The following SLC7A11 variants were observed in gnomAD, a reference collection of about 807,000 sequenced individuals.
SLC7A11 encodes the protein cystine/glutamate transporter.
SLC7A11 carries 35 observed loss-of-function variants against 54.5 expected under a neutral mutation model. The ratio of observed to expected loss-of-function variants is 0.64; its 90% CI spans 0.49 to 0.85. SLC7A11 has a LOEUF of 0.85. SLC7A11 is among the 40% of genes least tolerant of loss of function. The pLI is 0.00. For synonymous variants in SLC7A11, 230 were observed against 225.2 expected, an observed-to-expected ratio of 1.02 and a Z score of -0.19; for missense variants, 583 against 618.1, an observed-to-expected ratio of 0.94 and a Z score of 0.60.
At chr4:138,232,445 T>C in intron 2 of SLC7A11, 63 bp from the exon 3 acceptor site, 1 of 881,634 alleles carries the variant, frequency 1.1e-6, no homozygotes, top group East Asian at 2.5e-5. Context: ...TCATTAATTT[T>C]TTCTACCTTG....
At position 138,242,239 on chromosome 4, in the gene SLC7A11, G is replaced by A; in HGVS notation, c.-170C>T. The A allele has an allele frequency of 1.4e-6, 1 of 710,728 alleles. No homozygotes were observed. Among genetic ancestry groups the A allele is most frequent in the Non-Finnish European group, 2.3e-6 (1 of 435,854 alleles). 44.0% of individuals were successfully genotyped at this position (710,728 alleles called of 1,614,324 possible). On this transcript the variant is annotated 5_prime_UTR_variant, in exon 1 of 12. Coordinates refer to ENST00000280612, the MANE Select transcript of SLC7A11 (RefSeq NM_014331.4). ...AAAGGTGTGCTTTTTCCTTCACAGC[G>A]ATCTAATTACTACTCAGAAACACCT...
intron 3 of SLC7A11, among the ~76,000 whole-genome samples, chr4:138,231,518 G>A (rs555907740): frequency 1.2e-4 from 18 of 152,180 alleles, no homozygotes; most frequent in South Asian, 2.1e-4. Flanking sequence ...GGTTAAATGT[G>A]ATCATATTGA....
At chr4:138,222,370 C>A (rs1313986800) in intron 4 of SLC7A11, among the ~76,000 whole-genome samples, 2 of 152,236 alleles carry the variant, frequency 1.3e-5, no homozygotes, top group Non-Finnish European at 2.9e-5. Context: ...TTGGAACAGA[C>A]AATATCAATG....
rs148696512 is a variant in SLC7A11, at chr4:138,191,349, C to G, written c.792-6105G>C. ...AATTTCAATACCACTGATGTCTAATCTAAATCTCACCATTCTCCATTGTCC... is the reference window on the plus strand; with the variant it reads ...AATTTCAATACCACTGATGTCTAATGTAAATCTCACCATTCTCCATTGTCC... On this transcript the variant is annotated intron_variant, in intron 6 of 11. Transcript: ENST00000280612. 3.9e-4 allele frequency among the ~76,000 whole-genome samples: 60 copies of G among 152,226 alleles called. No homozygotes were observed. In the East Asian group the frequency reaches 8.5e-3, roughly 22 times the overall value.
chr4:138,192,911 A>G (rs1245771427), intron 6 of SLC7A11, among the ~76,000 whole-genome samples: 1 of 152,166 alleles, frequency 6.6e-6, no homozygotes, highest in African/African-American at 2.4e-5. Context: ...AAGGACTCAT[A>G]ATAAGACAAG....
intron 6 of SLC7A11, among the ~76,000 whole-genome samples, chr4:138,211,357 A>T (rs1737543813): frequency 6.6e-6 from 1 of 151,876 alleles, no homozygotes; most frequent in Non-Finnish European, 1.5e-5. Flanking sequence ...CAATATATCC[A>T]TATAACAAAT....
intron 7 of SLC7A11, among the ~76,000 whole-genome samples, chr4:138,183,703 T>A (rs564937965): frequency 6.6e-6 from 1 of 152,270 alleles, no homozygotes; most frequent in South Asian, 2.1e-4. Flanking sequence ...AAATTTTATA[T>A]TGAAATACAC....
At chr4:138,206,969 G>A (rs546865756) in intron 6 of SLC7A11, among the ~76,000 whole-genome samples, 98 of 120,186 alleles carry the variant, frequency 8.2e-4, no homozygotes, top group African/African-American at 2.7e-3. Flanking sequence ...GATTAATCAA[G>A]CTTTATGTAT....
At chr4:138,226,074 T>C (rs918372083) in intron 3 of SLC7A11, among the ~76,000 whole-genome samples, 12 of 152,166 alleles carry the variant, frequency 7.9e-5, no homozygotes, top group Non-Finnish European at 1.8e-4. Flanking sequence ...AAAAATACTT[T>C]GTAAAGTTTT....
intron 1 of SLC7A11, among the ~76,000 whole-genome samples, chr4:138,240,454 C>A (rs1044757187): frequency 3.3e-5 from 5 of 151,408 alleles, no homozygotes; most frequent in African/African-American, 9.7e-5. Context: ...GTAGTCCCAG[C>A]TACTCGGGAG....
At chr4:138,182,547 G>T (rs1168288751) in intron 8 of SLC7A11, among the ~76,000 whole-genome samples, 154 bp from the exon 9 acceptor site, 2 of 152,080 alleles carry the variant, frequency 1.3e-5, no homozygotes, top group Non-Finnish European at 2.9e-5. Flanking sequence ...ATAAGGTGGA[G>T]AAATATCATA....
intron 1 of SLC7A11, among the ~76,000 whole-genome samples, chr4:138,237,134 C>T (rs1435155879): frequency 1.3e-5 from 2 of 150,802 alleles, no homozygotes; most frequent in Non-Finnish European, 3.0e-5. Context: ...TACAGGCGCC[C>T]GCCACCACGC....
At position 138,169,848 on chromosome 4, in the gene SLC7A11, A is replaced by G. The variant is rs1736362817; in HGVS notation, c.*2108T>C. On this transcript the variant is annotated 3_prime_UTR_variant, in exon 12 of 12. Transcript: ENST00000280612. ...TTATAAATCAAATTTTGAAAACCCT[A>G]TGCTAAGGAAGGAAGGAGTTATTAT... 6.6e-6 allele frequency: 1 copy of G among 152,108 alleles called. No homozygotes were observed. Among genetic ancestry groups the G allele is most frequent in the African/African-American group, 2.4e-5 (1 of 41,444 alleles). 9.4% of individuals were successfully genotyped at this position (152,108 alleles called of 1,614,324 possible).
intron 4 of SLC7A11, among the ~76,000 whole-genome samples, chr4:138,219,940 T>TG (rs1290438114): frequency 3.9e-5 from 1 of 25,706 alleles, no homozygotes; most frequent in Non-Finnish European, 2.6e-4. Flanking sequence ...TGCAAGCCTT[T>TG]CTTTTTTTAT....
intron 6 of SLC7A11, among the ~76,000 whole-genome samples, chr4:138,192,551 T>C (rs1737036305): frequency 6.6e-6 from 1 of 151,310 alleles, no homozygotes; most frequent in African/African-American, 2.4e-5. Flanking sequence ...TTATTCTAAC[T>C]AATAAAAGAA....
chr4:138,217,661 T>C (rs889963021), intron 5 of SLC7A11, among the ~76,000 whole-genome samples: 4 of 152,214 alleles, frequency 2.6e-5, no homozygotes, highest in Admixed American at 6.5e-5. Context: ...ACCTCCCTTG[T>C]GACTATCTTC....
At chr4:138,224,918 A>G (rs1737907356) in intron 3 of SLC7A11, among the ~76,000 whole-genome samples, 1 of 151,910 alleles carries the variant, frequency 6.6e-6, no homozygotes, top group South Asian at 2.1e-4. Flanking sequence ...TATAAGTGAT[A>G]GAACACTAAA....
intron 1 of SLC7A11, among the ~76,000 whole-genome samples, chr4:138,238,344 A>T (rs1478006329): frequency 6.6e-6 from 1 of 152,180 alleles, no homozygotes; most frequent in Non-Finnish European, 1.5e-5. Context: ...AGTAATTAAC[A>T]AGAAAATTTA....
At position 138,171,423 on chromosome 4, in the gene SLC7A11, T is replaced by C. The variant is rs1028927665; in HGVS notation, c.*533A>G. ...GCTCTGGGTATAATCCATTAAAGCA[T>C]GAGTGTTTGTTATCTAAATTGGTAT... On this transcript the variant is annotated 3_prime_UTR_variant, in exon 12 of 12. Transcript: ENST00000280612. 2.6e-5 allele frequency: 4 copies of C among 152,756 alleles called. No individual in the cohort carries two copies. Among genetic ancestry groups the C allele is most frequent in the African/African-American group, 9.6e-5 (4 of 41,454 alleles). 9.5% of individuals were successfully genotyped at this position (152,756 alleles called of 1,614,324 possible).
Sources: allele counts gnomAD v4.1 joint callset (sites outside exome capture counted in the v4.1 genomes callset), GRCh38; gene constraint gnomAD v4.1.1; transcripts MANE v1.5; gene names NCBI Gene and HGNC (gene_info 2026-07-23, HGNC 2026-07-21).